The following CHST8 variants were observed in gnomAD, a reference collection of about 807,000 sequenced individuals.
CHST8 encodes the protein GALNAC-4-ST1.
A neutral mutation model predicts 15.0 loss-of-function variants in CHST8; 10 were observed. That is an observed-to-expected ratio of 0.67 (90% CI 0.41 to 1.13). The LOEUF is 1.13. Ranked by LOEUF, CHST8 falls within the 50% of genes most tolerant of loss-of-function variation. The probability of loss-of-function intolerance (pLI) is 0.00; values close to 1 mark genes in which losing one functional copy is unlikely to be tolerated. For missense variants in CHST8, 634 were observed against 608.2 expected (o/e 1.04, Z -0.45); for synonymous variants, 259 against 256.6 (o/e 1.01, Z -0.09).
chr19:33,671,649 C>T (rs1972740643), intron 2 of CHST8, among the ~76,000 whole-genome samples: 1 of 152,122 alleles, frequency 6.6e-6, no homozygotes, highest in South Asian at 2.1e-4. Context: ...TCACATGTTG[C>T]CTTCTCAGTC....
chr19:33,664,762 T>G (rs1972632993), intron 1 of CHST8, among the ~76,000 whole-genome samples: 1 of 152,074 alleles, frequency 6.6e-6, no homozygotes, highest in South Asian at 2.1e-4. Flanking sequence ...CCCATCCCCT[T>G]CCCAGCCTCT....
intron 2 of CHST8, among the ~76,000 whole-genome samples, chr19:33,681,935 C>T (rs1017490245): frequency 4.6e-5 from 7 of 151,268 alleles, no homozygotes; most frequent in East Asian, 2.0e-4. Context: ...GTCATGACCT[C>T]GCCTCACTGC....
At chr19:33,725,605 C>T (rs1334142557) in intron 3 of CHST8, among the ~76,000 whole-genome samples, 2 of 152,150 alleles carry the variant, frequency 1.3e-5, no homozygotes, top group Non-Finnish European at 2.9e-5. Flanking sequence ...GCGACGCAAG[C>T]GAAAGATACT....
chr19:33,673,485 T>C (rs1972769505), intron 2 of CHST8, among the ~76,000 whole-genome samples: 1 of 152,098 alleles, frequency 6.6e-6, no homozygotes, highest in South Asian at 2.1e-4. Flanking sequence ...GTCAGACACA[T>C]TTCCCTGCCT....
At chr19:33,693,859 G>A (rs946488796) in intron 3 of CHST8, among the ~76,000 whole-genome samples, 12 of 151,594 alleles carry the variant, frequency 7.9e-5, no homozygotes, top group African/African-American at 2.4e-4. Flanking sequence ...GTTATCAGCC[G>A]CCAGAGATCG....
intron 3 of CHST8, among the ~76,000 whole-genome samples, chr19:33,717,909 A>G (rs545918338): frequency 1.4e-4 from 21 of 152,308 alleles, no homozygotes; most frequent in African/African-American, 5.1e-4. Flanking sequence ...CTGCAGTCAC[A>G]TTCAGAGGTA....
chr19:33,665,586 A>G (rs1301639990), intron 1 of CHST8, among the ~76,000 whole-genome samples: 1 of 152,096 alleles, frequency 6.6e-6, no homozygotes, highest in Non-Finnish European at 1.5e-5. Flanking sequence ...TGTGTTGGAC[A>G]TTTAATCAGA....
chr19:33,672,476 G>A (rs1972750788), intron 2 of CHST8, among the ~76,000 whole-genome samples: 1 of 152,192 alleles, frequency 6.6e-6, no homozygotes, highest in African/African-American at 2.4e-5. Flanking sequence ...TGGGATTACA[G>A]GTGTGAGCCC....
At chr19:33,736,333 G>T (rs1974083532) in intron 3 of CHST8, among the ~76,000 whole-genome samples, 1 of 152,180 alleles carries the variant, frequency 6.6e-6, no homozygotes, top group African/African-American at 2.4e-5. Context: ...CAGGATGGAG[G>T]GTAGGGGTGC....
chr19:33,693,131 C>T (rs890162831), intron 3 of CHST8, among the ~76,000 whole-genome samples: 1 of 151,694 alleles, frequency 6.6e-6, no homozygotes, highest in Admixed American at 6.6e-5. Context: ...CTCAGCCTCT[C>T]GAGTAGCTGG....
Position 33,702,012 on chromosome 19 carries a change from G to A in CHST8, c.130+12621G>A, listed in dbSNP as rs76883366. On this transcript the variant is annotated intron_variant, in intron 3 of 4. Transcript: ENST00000650847. The stretch of plus-strand genomic sequence containing the variant: ...TTTGTTTGTTTTTGTTTTTTGAGAT[G>A]GAATCTCGCTGTGTCACCCAGGCTG... Among the ~76,000 whole-genome samples, 1,884 of 152,198 alleles carry A rather than the reference G, an allele frequency of 0.012. 91 individuals carry two copies. In the East Asian group the frequency reaches 0.16, roughly 13 times the overall value.
chr19:33,673,118 C>T (rs116594986), intron 2 of CHST8, among the ~76,000 whole-genome samples: 1,889 of 152,200 alleles, frequency 0.012, 35 homozygotes, highest in East Asian at 0.077. Flanking sequence ...CTGTGTGGTC[C>T]GTGGGCGAGG....
At chr19:33,682,523 CCAAA>C (rs1404209332) in intron 2 of CHST8, among the ~76,000 whole-genome samples, 1 of 152,196 alleles carries the variant, frequency 6.6e-6, no homozygotes, top group Non-Finnish European at 1.5e-5. Context: ...TTTCATCATC[CCAAA>C]CAGAGACTCT....
chr19:33,749,813 A>G (rs1477359678), intron 3 of CHST8, among the ~76,000 whole-genome samples: 1 of 152,094 alleles, frequency 6.6e-6, no homozygotes, highest in Non-Finnish European at 1.5e-5. Context: ...GCCCTTAGCT[A>G]TGGGTGGGTT....
intron 3 of CHST8, among the ~76,000 whole-genome samples, chr19:33,717,570 G>T (rs1249137748): frequency 6.6e-6 from 1 of 152,122 alleles, no homozygotes; most frequent in Non-Finnish European, 1.5e-5. Flanking sequence ...TCCAGGGGTG[G>T]AATATTCATG....
chr19:33,737,930 GTTGCAGTTTTCA>G (rs1408702693), intron 3 of CHST8, among the ~76,000 whole-genome samples: 2 of 152,056 alleles, frequency 1.3e-5, no homozygotes, highest in African/African-American at 4.8e-5. Flanking sequence ...GCAACAAGTG[GTTGCAGTTTTCA>G]TTGCAGTTTT....
chr19:33,645,456 G>A (rs921519761), intron 1 of CHST8, among the ~76,000 whole-genome samples: 2 of 152,190 alleles, frequency 1.3e-5, no homozygotes, highest in African/African-American at 4.8e-5. Flanking sequence ...GGCAGTGGAC[G>A]TGAGCAGATG....
chr19:33,704,590 T>C (rs1973411030), intron 3 of CHST8, among the ~76,000 whole-genome samples: 1 of 152,152 alleles, frequency 6.6e-6, no homozygotes, highest in Non-Finnish European at 1.5e-5. Context: ...GGTCATCCTT[T>C]TTGTTTTTGT....
intron 3 of CHST8, among the ~76,000 whole-genome samples, chr19:33,758,824 C>T (rs1410462744): frequency 6.6e-6 from 1 of 152,168 alleles, no homozygotes; most frequent in African/African-American, 2.4e-5. Flanking sequence ...AAATAAATAC[C>T]TGAGACTGGG....
Sources: allele counts gnomAD v4.1 joint callset (sites outside exome capture counted in the v4.1 genomes callset), GRCh38; gene constraint gnomAD v4.1.1; transcripts MANE v1.5; gene names NCBI Gene and HGNC (gene_info 2026-07-23, HGNC 2026-07-21).